CTNNA1: variants seen among roughly 807,000 people sequenced by gnomAD.
The protein encoded by CTNNA1 is catenin alpha-1.
CTNNA1 carries 37 observed loss-of-function variants against 98.4 expected under a neutral mutation model. That is an observed-to-expected ratio of 0.38 (90% CI 0.29 to 0.49). The LOEUF (loss-of-function observed/expected upper bound fraction) is 0.49, where lower values mean the gene tolerates loss of function less well. CTNNA1 is among the 20% of genes least tolerant of loss of function. The pLI is 0.95. For synonymous variants in CTNNA1, 404 were observed against 413.2 expected, an observed-to-expected ratio of 0.98 and a Z score of 0.27; for missense variants, 761 against 1,147.2, an observed-to-expected ratio of 0.66 and a Z score of 4.86.
intron 5 of CTNNA1, among the ~76,000 whole-genome samples, chr5:138,822,389 C>T (rs1264109441): frequency 2.0e-5 from 3 of 152,266 alleles, no homozygotes; most frequent in South Asian, 2.1e-4. Context: ...TTGAGATGAC[C>T]GTAAGTGTCT....
chr5:138,817,636 G>A (rs1759567602), intron 5 of CTNNA1, among the ~76,000 whole-genome samples: 1 of 151,804 alleles, frequency 6.6e-6, no homozygotes, highest in African/African-American at 2.4e-5. Flanking sequence ...TTTTTCCTCT[G>A]GGTAATTTCA....
chr5:138,891,179 G>T (rs1007340959), intron 9 of CTNNA1: 5 of 152,082 alleles, frequency 3.3e-5, no homozygotes, highest in Admixed American at 1.3e-4. Flanking sequence ...TTTCTTCTCC[G>T]CAGGGAATCT....
In CTNNA1 at chr5:138,812,269, TAAGCTGA is replaced by T; in HGVS notation, c.557_563del (p.Lys186ThrfsTer11). 1 of 1,613,898 alleles carries T rather than the reference TAAGCTGA, an allele frequency of 6.2e-7. No individual in the cohort carries two copies. The highest frequency in any genetic ancestry group is 8.5e-7 in the Non-Finnish European group (1 of 1,179,916). ...ATAAAGCCCTAAAACCTGAAGTGGATAAGCTGAACATTATGGCAGCCAAAAGACAACA... is the reference window on the plus strand; with the variant it reads ...ATAAAGCCCTAAAACCTGAAGTGGATACATTATGGCAGCCAAAAGACAACA... On this transcript the variant is annotated frameshift_variant, in exon 5 of 18. Coordinates refer to ENST00000302763, the MANE Select transcript of CTNNA1 (RefSeq NM_001903.5). LOFTEE classifies it high-confidence loss of function.
rs1451142725 is a variant in CTNNA1 at position 138,934,019 on chromosome 5, G to A, written c.2651G>A (p.Arg884Gln). The change falls in exon 18 of 18, where the codon CGG becomes CAG. Residue 884 changes from arginine (R) to glutamine (Q), a missense_variant. Transcript: ENST00000302763. ...KQDETQTKIK[R>Q]ASQKKHVNPV... ...GATGAGACACAGACCAAGATTAAACGGGCATCTCAGAAGAAGCACGTGAAC... is the reference window on the plus strand; with the variant it reads ...GATGAGACACAGACCAAGATTAAACAGGCATCTCAGAAGAAGCACGTGAAC... 2.5e-6 allele frequency: 4 copies of A among 1,614,014 alleles called. No individual in the cohort carries two copies. The highest frequency in any genetic ancestry group is 2.2e-5 in the East Asian group (1 of 44,880).
chr5:138,801,097 A>C (rs1198066268), intron 3 of CTNNA1, among the ~76,000 whole-genome samples: 1 of 152,250 alleles, frequency 6.6e-6, no homozygotes, highest in Non-Finnish European at 1.5e-5. Context: ...GATGATTAGC[A>C]TCGCATGCAG....
rs1762066908 is a variant in CTNNA1 at position 138,917,643 on chromosome 5, G to A, written c.1390-99G>A. 2.5e-6 allele frequency: 3 copies of A among 1,218,976 alleles called. No homozygotes were observed. In the African/African-American group the frequency reaches 4.5e-5, roughly 18 times the overall value. The allele number at this position is 1,218,976 out of a possible 1,614,324, so 75.5% of individuals were successfully genotyped here. On this transcript the variant is annotated intron_variant, in intron 10 of 17. Coordinates refer to ENST00000302763, the MANE Select transcript of CTNNA1 (RefSeq NM_001903.5). ...TTCCCCTTCATCTTTGTGATAGTTA[G>A]GATAGAGCATGTGGTGTGATGTCTC...
chr5:138,890,731 C>A (rs556291521), intron 9 of CTNNA1, among the ~76,000 whole-genome samples: 1 of 152,296 alleles, frequency 6.6e-6, no homozygotes, highest in African/African-American at 2.4e-5. Context: ...ACTCAATCTC[C>A]AGTCCCCTTC....
chr5:138,927,310 T>G (rs1764282555), intron 13 of CTNNA1, among the ~76,000 whole-genome samples: 1 of 152,172 alleles, frequency 6.6e-6, no homozygotes, highest in African/African-American at 2.4e-5. Flanking sequence ...ACCTGTCACT[T>G]CTCCAACCTT....
intron 7 of CTNNA1, among the ~76,000 whole-genome samples, chr5:138,829,266 T>C (rs1289599313): frequency 6.6e-6 from 1 of 152,182 alleles, no homozygotes; most frequent in African/African-American, 2.4e-5. Flanking sequence ...GATTGAACAT[T>C]AGAAAATATT....
At chr5:138,897,706 G>A (rs1317697877) in intron 9 of CTNNA1, among the ~76,000 whole-genome samples, 1 of 152,176 alleles carries the variant, frequency 6.6e-6, no homozygotes, top group African/African-American at 2.4e-5. Context: ...ACATATTCAA[G>A]GGTTTGTAAG....
At chr5:138,823,852 G>A (rs1172319675) in intron 5 of CTNNA1, among the ~76,000 whole-genome samples, 1 of 146,874 alleles carries the variant, frequency 6.8e-6, no homozygotes, top group African/African-American at 2.5e-5. Flanking sequence ...AGCTACTTGG[G>A]AGGCTGAGGC....
chr5:138,790,507 A>G (rs772456244), intron 3 of CTNNA1, among the ~76,000 whole-genome samples: 10 of 152,206 alleles, frequency 6.6e-5, no homozygotes, highest in Admixed American at 6.5e-4. Context: ...TCCTATGGCA[A>G]TGATAAGTAT....
At chr5:138,912,994 G>T (rs1232169436) in intron 10 of CTNNA1, among the ~76,000 whole-genome samples, 3 of 151,684 alleles carry the variant, frequency 2.0e-5, no homozygotes, top group Non-Finnish European at 4.4e-5. Flanking sequence ...AGTTTTCTAA[G>T]ACATAAATAT....
chr5:138,764,944 C>T (rs1020591399), intron 1 of CTNNA1, among the ~76,000 whole-genome samples: 12 of 140,026 alleles, frequency 8.6e-5, no homozygotes, highest in African/African-American at 2.9e-4. Context: ...TGCGATCTCT[C>T]TTCACTGCAG....
chr5:138,825,529 T>TA lies in CTNNA1; in HGVS notation c.858+744dup, dbSNP rs66958270. ...TTTAAAAGTAACTGTTGGGGCTAAT[T>TA]AAAAAAAAAAAAAACAAACCAAAAA... On this transcript the variant is annotated intron_variant, in intron 6 of 17. Transcript: ENST00000302763. 1.9e-3 allele frequency among the ~76,000 whole-genome samples: 226 copies of TA among 116,892 alleles called. 3 individuals carry two copies. The highest frequency in any genetic ancestry group is 5.2e-3 in the African/African-American group (154 of 29,680). 76.7% of individuals were successfully genotyped at this position (116,892 alleles called of 152,430 possible).
At chr5:138,782,179 A>G in intron 2 of CTNNA1, 150 bp downstream of exon 2, 1 of 765,806 alleles carries the variant, frequency 1.3e-6, no homozygotes, top group East Asian at 2.8e-5. Flanking sequence ...ATATTGATGC[A>G]TGGGTTTAGT....
intron 1 of CTNNA1, among the ~76,000 whole-genome samples, chr5:138,777,181 G>A (rs1186813744): frequency 4.1e-3 from 623 of 151,954 alleles, no homozygotes; most frequent in East Asian, 0.035. Context: ...TCCCAGACGG[G>A]GTCGCGGCCG....
intron 7 of CTNNA1, among the ~76,000 whole-genome samples, chr5:138,862,483 G>C (rs907656082): frequency 3.3e-5 from 5 of 152,164 alleles, no homozygotes; most frequent in Non-Finnish European, 7.4e-5. Context: ...ATCCTTTTAT[G>C]ATAATGGATA....
At chr5:138,769,162 G>C (rs1263308534) in intron 1 of CTNNA1, among the ~76,000 whole-genome samples, 1 of 151,986 alleles carries the variant, frequency 6.6e-6, no homozygotes, top group Non-Finnish European at 1.5e-5. Flanking sequence ...AAAGTTCTGG[G>C]ATTACAGGTG....
Sources: gnomAD v4.1 joint callset for allele counts (sites outside exome capture counted in the v4.1 genomes callset) on GRCh38, gnomAD v4.1.1 for gene constraint, MANE v1.5 for transcripts, NCBI Gene and HGNC (gene_info 2026-07-23, HGNC 2026-07-21) for gene names.